The following SLC28A1 variants were observed in gnomAD, a reference collection of about 807,000 sequenced individuals.
SLC28A1 encodes the protein solute carrier family 28 member 1.
In SLC28A1, 64 loss-of-function variants were observed where a neutral mutation model predicts 74.8. The observed-to-expected ratio is 0.86, with a 90% CI of 0.70 to 1.05. The LOEUF (loss-of-function observed/expected upper bound fraction) is 1.05, where lower values mean the gene tolerates loss of function less well. Among genes scored for constraint, SLC28A1 ranks in the 50% least tolerant of loss-of-function variants. The pLI is 0.00. For synonymous variants in SLC28A1, 359 were observed against 335.0 expected (o/e 1.07, Z -0.78); for missense variants, 828 against 822.8 (o/e 1.01, Z -0.08).
chr15:84,973,696 A>G, the SLC28A1 span, among the ~76,000 whole-genome samples: 1 of 152,174 alleles, frequency 6.6e-6, no homozygotes, highest in Non-Finnish European at 1.5e-5. Flanking sequence ...ATCATCTTGT[A>G]ATTATACGCT....
intron 6 of SLC28A1, among the ~76,000 whole-genome samples, chr15:84,898,266 T>C (rs1218983528): frequency 6.6e-6 from 1 of 152,124 alleles, no homozygotes; most frequent in Non-Finnish European, 1.5e-5. Context: ...AAATTTTGTC[T>C]CAATAAAGCT....
intron 9 of SLC28A1, among the ~76,000 whole-genome samples, chr15:84,912,934 G>A (rs1442340639): frequency 1.3e-5 from 2 of 152,042 alleles, no homozygotes; most frequent in Admixed American, 6.6e-5. Context: ...TCGGTGAAGG[G>A]AATGGGAAGT....
chr15:84,915,240 A>C (rs546436710), intron 9 of SLC28A1, among the ~76,000 whole-genome samples: 1 of 152,178 alleles, frequency 6.6e-6, no homozygotes, highest in East Asian at 1.9e-4. Context: ...TCCCCACCAC[A>C]GGGAAGTTGG....
chr15:84,903,714 G>A (rs1005688233), intron 6 of SLC28A1, among the ~76,000 whole-genome samples: 1 of 152,196 alleles, frequency 6.6e-6, no homozygotes, highest in African/African-American at 2.4e-5. Context: ...TCTCCCCCAA[G>A]GTCAGAGGCT....
chr15:84,940,818 T>C (rs751671113), intron 15 of SLC28A1: 2 of 199,610 alleles, frequency 1.0e-5, no homozygotes, highest in Non-Finnish European at 2.2e-5. Flanking sequence ...ATGCTTGGAA[T>C]AGAACAAGAA....
At position 84,935,301 on chromosome 15, in the gene SLC28A1, C is replaced by A; in HGVS notation, c.1384-20C>A. ...GCCCAGGCCCAGCCCTCGGTGCCAG[C>A]CATACCGTTGTGCCCTCAGCTCATC... On this transcript the variant is annotated intron_variant, in intron 14 of 18. Coordinates refer to ENST00000394573, the MANE Select transcript of SLC28A1 (RefSeq NM_004213.5). 10 of 1,613,956 alleles carry A rather than the reference C, an allele frequency of 6.2e-6. No individual in the cohort carries two copies. Among genetic ancestry groups the A allele is most frequent in the Non-Finnish European group, 8.5e-6 (10 of 1,179,846 alleles).
the SLC28A1 span, among the ~76,000 whole-genome samples, chr15:84,951,597 A>G: frequency 6.6e-6 from 1 of 152,074 alleles, no homozygotes; most frequent in East Asian, 1.9e-4. Context: ...CAGGAAGAAT[A>G]AGATAGGTGG....
chr15:84,942,306 A>G (rs141842919), intron 15 of SLC28A1, among the ~76,000 whole-genome samples: 313 of 152,264 alleles, frequency 2.1e-3, no homozygotes, highest in African/African-American at 7.3e-3. Flanking sequence ...ACTCTTAGTT[A>G]TTTTTAAATG....
chr15:84,887,923 G>T (rs574546964), intron 3 of SLC28A1, 67 bp downstream of exon 3: 1 of 1,163,258 alleles, frequency 8.6e-7, no homozygotes, highest in Admixed American at 1.7e-5. Flanking sequence ...GGCTGCCGAG[G>T]TGATGAGGCT....
At chr15:84,904,427 A>G (rs1567136422) in intron 7 of SLC28A1, among the ~76,000 whole-genome samples, 189 bp downstream of exon 7, 2 of 152,154 alleles carry the variant, frequency 1.3e-5, no homozygotes, top group Non-Finnish European at 2.9e-5. Context: ...AATCCCCAGC[A>G]GGGATGTCTT....
chr15:84,970,107 G>C, the SLC28A1 span, among the ~76,000 whole-genome samples: 2 of 152,192 alleles, frequency 1.3e-5, no homozygotes, highest in African/African-American at 2.4e-5. Flanking sequence ...TTACACTTGG[G>C]ACAGGGACGC....
intron 15 of SLC28A1, 41 bp from the exon 16 acceptor site, chr15:84,943,404 T>C: frequency 2.0e-6 from 3 of 1,466,472 alleles, no homozygotes; most frequent in Non-Finnish European, 2.9e-6. Flanking sequence ...CCCAGGCCCA[T>C]CTGAGGGGAG....
At chr15:84,885,706 G>A (rs1281101101) in intron 1 of SLC28A1, among the ~76,000 whole-genome samples, 1 of 148,270 alleles carries the variant, frequency 6.7e-6, no homozygotes, top group Non-Finnish European at 1.5e-5. Flanking sequence ...ACTCCAGCCT[G>A]GGCAACAAGA....
intron 9 of SLC28A1, among the ~76,000 whole-genome samples, chr15:84,909,105 A>G (rs1967754383): frequency 6.6e-6 from 1 of 152,148 alleles, no homozygotes; most frequent in Admixed American, 6.5e-5. Context: ...AAGTGGGGGT[A>G]GGGGTCATGG....
At chr15:84,895,321 G>A (rs1025006188) in intron 6 of SLC28A1, 198 bp downstream of exon 6, 11 of 1,610,642 alleles carry the variant, frequency 6.8e-6, no homozygotes, top group Admixed American at 3.3e-5. Context: ...CTTAGTCCCA[G>A]TTACAGCAGG....
At chr15:84,914,667 T>C (rs1264645500) in intron 9 of SLC28A1, among the ~76,000 whole-genome samples, 3 of 152,192 alleles carry the variant, frequency 2.0e-5, no homozygotes, top group Non-Finnish European at 4.4e-5. Context: ...GCCCTCGTGG[T>C]TGGCACACAG....
At chr15:84,943,616 T>A in intron 16 of SLC28A1, 90 bp downstream of exon 16, 1 of 1,043,522 alleles carries the variant, frequency 9.6e-7, no homozygotes, top group Non-Finnish European at 1.5e-6. Flanking sequence ...CTCATTTGTC[T>A]AAAGCAGGAC....
At chr15:84,934,153 C>T (rs986570568) in intron 13 of SLC28A1, among the ~76,000 whole-genome samples, 5 of 152,174 alleles carry the variant, frequency 3.3e-5, no homozygotes, top group Non-Finnish European at 5.9e-5. Context: ...AATGAGTTTC[C>T]GAAGGACAAA....
intron 6 of SLC28A1, among the ~76,000 whole-genome samples, chr15:84,902,226 T>C (rs775862591): frequency 4.0e-4 from 61 of 152,160 alleles, no homozygotes; most frequent in Admixed American, 2.6e-4. Flanking sequence ...ACACCTATAA[T>C]CCCAGCACTT....
Sources: gnomAD v4.1 joint callset for allele counts (sites outside exome capture counted in the v4.1 genomes callset) on GRCh38, gnomAD v4.1.1 for gene constraint, MANE v1.5 for transcripts, NCBI Gene and HGNC (gene_info 2026-07-23, HGNC 2026-07-21) for gene names.